Variants in NDRG2 observed in about 807,000 individuals in gnomAD.
The protein encoded by NDRG2 is protein NDRG2.
A neutral mutation model predicts 58.2 loss-of-function variants in NDRG2; 34 were observed. The ratio of observed to expected loss-of-function variants is 0.58; its 90% confidence interval spans 0.44 to 0.78. The LOEUF is 0.78. Among genes scored for constraint, NDRG2 ranks in the 30% least tolerant of loss-of-function variants. The pLI is 0.00. For synonymous variants in NDRG2, 187 were observed against 175.9 expected, an observed-to-expected ratio of 1.06 and a Z score of -0.50; for missense variants, 434 against 471.2, an observed-to-expected ratio of 0.92 and a Z score of 0.73.
intron 1 of NDRG2, among the ~76,000 whole-genome samples, chr14:21,054,730 A>T (rs2139142745): frequency 1.3e-5 from 2 of 152,340 alleles, no homozygotes; most frequent in South Asian, 4.1e-4. Context: ...AACCTGCCAG[A>T]ACCTTAGTTT....
chr14:21,047,480 G>T (rs1885241401), intron 1 of NDRG2, among the ~76,000 whole-genome samples: 1 of 152,176 alleles, frequency 6.6e-6, no homozygotes, highest in Non-Finnish European at 1.5e-5. Context: ...GATGAAATAG[G>T]AATTTGACTA....
At chr14:21,021,419 C>T in intron 6 of NDRG2, 1 of 311,832 alleles carries the variant, frequency 3.2e-6, no homozygotes, top group Non-Finnish European at 6.2e-6. Context: ...TTCCCCAACT[C>T]TCTCTCACCC....
intron 1 of NDRG2, among the ~76,000 whole-genome samples, chr14:21,065,557 T>C (rs1886218726): frequency 6.6e-6 from 1 of 152,102 alleles, no homozygotes; most frequent in Non-Finnish European, 1.5e-5. Context: ...ACATAATCAA[T>C]AGAGAAAAAT....
chr14:21,043,127 G>A, intron 1 of NDRG2: 1 of 1,614,150 alleles, frequency 6.2e-7, no homozygotes, highest in Non-Finnish European at 8.5e-7. Flanking sequence ...AGCACATGCA[G>A]CCCAGCCCTC....
At chr14:21,066,710 C>A (rs369824806) in intron 1 of NDRG2, among the ~76,000 whole-genome samples, 5 of 152,278 alleles carry the variant, frequency 3.3e-5, no homozygotes, top group Admixed American at 1.3e-4. Flanking sequence ...GTGGAACAGG[C>A]AGACAAGTGG....
At chr14:21,055,363 G>T (rs1304670808) in intron 1 of NDRG2, among the ~76,000 whole-genome samples, 1 of 152,088 alleles carries the variant, frequency 6.6e-6, no homozygotes, top group Non-Finnish European at 1.5e-5. Flanking sequence ...TTTTTTATTT[G>T]ATTCTATATT....
chr14:21,020,162 C>T (rs546308682), intron 8 of NDRG2, 186 bp from the exon 9 acceptor site: 94 of 578,550 alleles, frequency 1.6e-4, no homozygotes, highest in African/African-American at 1.1e-3. Context: ...GGCGTGGTGG[C>T]GGGTGCCTGT....
chr14:21,019,328 C>T (rs371215092), intron 10 of NDRG2, among the ~76,000 whole-genome samples, 168 bp from the exon 11 acceptor site: 2 of 152,164 alleles, frequency 1.3e-5, no homozygotes, highest in African/African-American at 4.8e-5. Flanking sequence ...CCAAGCACAG[C>T]CCCTATAGTC....
At chr14:21,025,207 C>A (rs1282924001), upstream of NDRG2, 8 of 868,422 alleles carry the variant, frequency 9.2e-6, no homozygotes, top group East Asian at 1.2e-4. The surrounding 1 kb of genome is among the most constrained non-coding windows in gnomAD (Gnocchi z 5.1). Context: ...CCCAGACTGC[C>A]GCTCAGGAAA....
chr14:21,059,333 C>G (rs2139153400), intron 1 of NDRG2, among the ~76,000 whole-genome samples: 1 of 151,980 alleles, frequency 6.6e-6, no homozygotes, highest in Non-Finnish European at 1.5e-5. Context: ...GGCCATAGAC[C>G]AATACTTTTG....
intron 1 of NDRG2, chr14:21,034,842 G>A (rs1344497022): frequency 6.5e-6 from 1 of 153,568 alleles, no homozygotes; most frequent in African/African-American, 2.4e-5. Context: ...TAAGAGGGTT[G>A]GATGGGTGGG....
intron 1 of NDRG2, among the ~76,000 whole-genome samples, chr14:21,060,669 T>C (rs1433406151): frequency 6.6e-6 from 1 of 152,184 alleles, no homozygotes; most frequent in African/African-American, 2.4e-5. Flanking sequence ...GCCCAGTCAG[T>C]GTCCCACAGG....
intron 1 of NDRG2, chr14:21,033,580 A>G: frequency 1.8e-6 from 1 of 566,438 alleles, no homozygotes; most frequent in East Asian, 3.0e-5. Flanking sequence ...TCTCTGGGAG[A>G]GGAAGGATGA....
At chr14:21,048,293 G>A (rs1885298037) in intron 1 of NDRG2, 1 of 152,106 alleles carries the variant, frequency 6.6e-6, no homozygotes, top group South Asian at 2.1e-4. Context: ...GTAAGCTTGG[G>A]AACATCCACG....
chr14:21,055,003 C>T (rs1054910805), intron 1 of NDRG2, among the ~76,000 whole-genome samples: 4 of 152,134 alleles, frequency 2.6e-5, no homozygotes, highest in African/African-American at 9.7e-5. Context: ...ATCCTGGCTG[C>T]CTTTAGTAGG....
chr14:21,063,585 G>A (rs1886089742), intron 1 of NDRG2, among the ~76,000 whole-genome samples: 3 of 152,136 alleles, frequency 2.0e-5, no homozygotes, highest in Admixed American at 2.0e-4. Context: ...TCCGCTGCTT[G>A]GCAGTTCTGA....
intron 1 of NDRG2, among the ~76,000 whole-genome samples, chr14:21,049,345 T>C (rs965346354): frequency 6.6e-6 from 1 of 152,256 alleles, no homozygotes; most frequent in Non-Finnish European, 1.5e-5. Context: ...CTGTGACTCA[T>C]GTCCAGTGGA....
rs1314704639 is a variant in NDRG2 at position 21,067,981 on chromosome 14, T to C, written c.24+2847A>G. On this transcript the variant is annotated intron_variant, in intron 1 of 14. Transcript: ENST00000403829. ...GCTCAAAAACTTTCAGTGGCTCCCCTTTTTTTTTTTTTTTTTTTTTTTTTT... is the reference window on the plus strand; with the variant it reads ...GCTCAAAAACTTTCAGTGGCTCCCCCTTTTTTTTTTTTTTTTTTTTTTTTT... Among the ~76,000 whole-genome samples the C allele has an allele frequency of 1.6e-3, 4 of 2,578 alleles. 1 individual carries two copies. The highest frequency in any genetic ancestry group is 0.014 in the African/African-American group (2 of 148). The allele number at this position is 2,578 out of a possible 152,430, so 1.7% of individuals were successfully genotyped here.
At chr14:21,022,562 C>T (rs541958397) in intron 3 of NDRG2, 65 bp from the exon 4 acceptor site, 2 of 1,236,934 alleles carry the variant, frequency 1.6e-6, no homozygotes, top group African/African-American at 1.5e-5. Context: ...GGAGCAACAC[C>T]AAGGTCAGGG....
Sources: allele counts gnomAD v4.1 joint callset (sites outside exome capture counted in the v4.1 genomes callset), GRCh38; gene constraint gnomAD v4.1.1; non-coding constraint Gnocchi (gnomAD v3.1); transcripts MANE v1.5; gene names NCBI Gene and HGNC (gene_info 2026-07-23, HGNC 2026-07-21).